Variants in DAP observed in about 807,000 individuals in gnomAD.
The protein encoded by DAP is death associated protein, also known as death-associated protein 1.
A neutral mutation model predicts 13.8 loss-of-function variants in DAP; 8 were observed. The observed-to-expected ratio is 0.58, with a 90% CI of 0.34 to 1.05. The LOEUF is 1.05. Ranked by LOEUF, DAP falls within the 50% of genes least tolerant of loss-of-function variation. The pLI, the probability that DAP is intolerant of heterozygous loss-of-function variation, is 0.03. For synonymous variants in DAP, 47 were observed against 47.5 expected, an observed-to-expected ratio of 0.99 and a Z score of 0.04; for missense variants, 106 against 133.2, an observed-to-expected ratio of 0.80 and a Z score of 1.01.
intron 1 of DAP, among the ~76,000 whole-genome samples, chr5:10,757,730 C>T (rs558684641): frequency 2.0e-5 from 3 of 152,290 alleles, no homozygotes; most frequent in South Asian, 2.1e-4. Flanking sequence ...CTGCCTGAAC[C>T]GGCCAAGAGG....
intron 2 of DAP, among the ~76,000 whole-genome samples, chr5:10,722,613 C>CATATATAT (rs1391605010): frequency 4.7e-5 from 7 of 147,454 alleles, no homozygotes; most frequent in African/African-American, 1.8e-4. Context: ...TACATATATA[C>CATATATAT]ACATATATAC....
chr5:10,711,956 C>G (rs1292509924), intron 2 of DAP, among the ~76,000 whole-genome samples: 5 of 152,202 alleles, frequency 3.3e-5, no homozygotes, highest in Admixed American at 6.5e-5. Context: ...GCTGTTCTGG[C>G]TGAATTTCAC....
At chr5:10,683,507 C>T in intron 3 of DAP, 22 bp downstream of exon 3, 4 of 1,613,616 alleles carry the variant, frequency 2.5e-6, no homozygotes, top group Non-Finnish European at 3.4e-6. Flanking sequence ...CTCAAACCCA[C>T]CGCAGACACT....
At chr5:10,747,192 G>T (rs1198391839) in intron 2 of DAP, among the ~76,000 whole-genome samples, 1 of 152,202 alleles carries the variant, frequency 6.6e-6, no homozygotes, top group Non-Finnish European at 1.5e-5. Flanking sequence ...CTGGAGACAG[G>T]CTGTATAAGT....
intron 2 of DAP, among the ~76,000 whole-genome samples, chr5:10,711,561 T>A (rs993749603): frequency 6.6e-6 from 1 of 151,676 alleles, no homozygotes; most frequent in East Asian, 1.9e-4. Flanking sequence ...GCTCTCTTAC[T>A]CTATCGGCAT....
At chr5:10,714,102 T>C (rs552544550) in intron 2 of DAP, among the ~76,000 whole-genome samples, 1 of 152,330 alleles carries the variant, frequency 6.6e-6, no homozygotes, top group African/African-American at 2.4e-5. Context: ...AGTAGACATA[T>C]ATGTTTTGAC....
chr5:10,757,879 C>CG (rs959236248), intron 1 of DAP, among the ~76,000 whole-genome samples: 9 of 152,030 alleles, frequency 5.9e-5, no homozygotes, highest in African/African-American at 2.2e-4. Flanking sequence ...TGTGCCACCC[C>CG]GGGAATAAAG....
intron 1 of DAP, among the ~76,000 whole-genome samples, chr5:10,758,556 A>C (rs1452380579): frequency 6.6e-6 from 1 of 152,142 alleles, no homozygotes; most frequent in African/African-American, 2.4e-5. Flanking sequence ...GGTTGCCCTG[A>C]AGTTACTAGA....
chr5:10,681,196 T>C, intron 3 of DAP, 27 bp from the exon 4 acceptor site: 2 of 1,463,634 alleles, frequency 1.4e-6, no homozygotes, highest in Non-Finnish European at 1.8e-6. Flanking sequence ...AAAGCTCAGG[T>C]TAATCAATAG....
intron 2 of DAP, among the ~76,000 whole-genome samples, chr5:10,720,012 T>C (rs1339813226): frequency 1.3e-5 from 2 of 152,232 alleles, no homozygotes; most frequent in Middle Eastern, 3.2e-3. Flanking sequence ...TTGTGTACTT[T>C]GCATGGAAGG....
rs374089952 is a variant in DAP, at chr5:10,720,041, GATTAC to G, written c.152+28129_152+28133del. 4.5e-4 allele frequency among the ~76,000 whole-genome samples: 68 copies of G among 152,348 alleles called. No homozygotes were observed. The East Asian group carries it at 0.012, about 26-fold the overall frequency. On this transcript the variant is annotated intron_variant, in intron 2 of 3. Transcript: ENST00000230895. ...TGGAAGGAGAAATAATCAAATGTGT[GATTAC>G]ATACTGATTCATGGGCTGCAGCCAA... is the stretch of plus-strand genomic sequence containing the variant.
At chr5:10,696,157 A>G (rs1219521448) in intron 2 of DAP, among the ~76,000 whole-genome samples, 6 of 152,136 alleles carry the variant, frequency 3.9e-5, no homozygotes, top group Admixed American at 3.9e-4. Flanking sequence ...CCTGGATGCA[A>G]AGAAGGGGAA....
Position 10,761,197 on chromosome 5 carries a change from G to T in DAP, c.-129C>A. ...GGAGAACGACGCGCGCGCGTGGGGC[G>T]CCGGGGCCGCGCGAGCCGGGTGAGT... On this transcript the variant is annotated 5_prime_UTR_variant, in exon 1 of 4. Coordinates refer to ENST00000230895, the MANE Select transcript of DAP (RefSeq NM_004394.3). The T allele has an allele frequency of 2.7e-6, 1 of 365,552 alleles. No individual in the cohort carries two copies. Among genetic ancestry groups the T allele is most frequent in the Non-Finnish European group, 4.3e-6 (1 of 233,482 alleles). 22.6% of individuals were successfully genotyped at this position (365,552 alleles called of 1,614,324 possible). A position where few individuals can be genotyped will look rare whatever the true frequency, so the allele number is the denominator to read the frequency against.
chr5:10,754,763 T>C (rs1190994573), intron 1 of DAP, among the ~76,000 whole-genome samples: 3 of 152,190 alleles, frequency 2.0e-5, no homozygotes, highest in Non-Finnish European at 4.4e-5. Context: ...TTGGAAAAGC[T>C]GTCATTGGGA....
intron 2 of DAP, among the ~76,000 whole-genome samples, chr5:10,689,239 TCTTTC>T (rs895766772): frequency 2.4e-4 from 36 of 152,062 alleles, no homozygotes; most frequent in African/African-American, 8.7e-4. Flanking sequence ...CAGGGCACGC[TCTTTC>T]CTTTCCTAAA....
At chr5:10,747,557 C>T (rs561731004) in intron 2 of DAP, among the ~76,000 whole-genome samples, 3 of 152,340 alleles carry the variant, frequency 2.0e-5, no homozygotes, top group Non-Finnish European at 4.4e-5. Flanking sequence ...GCCAGGTCCA[C>T]CCCTGAGGTT....
intron 1 of DAP, among the ~76,000 whole-genome samples, chr5:10,749,801 T>C (rs1579821876): frequency 6.7e-6 from 1 of 148,722 alleles, no homozygotes; most frequent in East Asian, 2.0e-4. Context: ...AGGGCTACAG[T>C]GTTCCATGAA....
chr5:10,684,873 A>C (rs1738117339), intron 2 of DAP, among the ~76,000 whole-genome samples: 1 of 152,134 alleles, frequency 6.6e-6, no homozygotes, highest in African/African-American at 2.4e-5. Context: ...AGCGCGATCG[A>C]TCGGGGACAC....
chr5:10,708,895 T>C (rs928430198), intron 2 of DAP, among the ~76,000 whole-genome samples: 10 of 152,218 alleles, frequency 6.6e-5, no homozygotes, highest in African/African-American at 1.7e-4. Context: ...CCTTATTTCG[T>C]TGGATTTCAC....
Sources: gnomAD v4.1 joint callset for allele counts (sites outside exome capture counted in the v4.1 genomes callset) on GRCh38, gnomAD v4.1.1 for gene constraint, MANE v1.5 for transcripts, NCBI Gene and HGNC (gene_info 2026-07-23, HGNC 2026-07-21) for gene names.